Variants in SLC35F3 observed in about 807,000 individuals in gnomAD.
The protein encoded by SLC35F3 is solute carrier family 35 member F3.
SLC35F3 carries 25 observed loss-of-function variants against 49.9 expected under a neutral mutation model. That is an observed-to-expected ratio of 0.50 (90% CI 0.37 to 0.70). SLC35F3 has a LOEUF of 0.70. Among genes scored for constraint, SLC35F3 ranks in the 30% least tolerant of loss-of-function variants. SLC35F3 has a pLI of 0.00. For missense variants in SLC35F3, 525 were observed against 639.8 expected, an observed-to-expected ratio of 0.82 and a Z score of 1.94; for synonymous variants, 275 against 265.4, an observed-to-expected ratio of 1.04 and a Z score of -0.35.
chr1:233,937,737 A>C (rs895233463), intron 2 of SLC35F3, among the ~76,000 whole-genome samples: 1 of 152,246 alleles, frequency 6.6e-6, no homozygotes, highest in Non-Finnish European at 1.5e-5. Flanking sequence ...TAGGAAGCTA[A>C]TGCTATAATT....
chr1:234,317,722 C>T (rs1220706047), intron 5 of SLC35F3, among the ~76,000 whole-genome samples: 1 of 152,210 alleles, frequency 6.6e-6, no homozygotes, highest in Non-Finnish European at 1.5e-5. Context: ...CTGAGCACCT[C>T]TCACTGAGGA....
chr1:233,919,430 C>T (rs2102786660), intron 2 of SLC35F3, among the ~76,000 whole-genome samples: 1 of 152,280 alleles, frequency 6.6e-6, no homozygotes, highest in South Asian at 2.1e-4. Flanking sequence ...ACATGCTTGT[C>T]TCAGGCTCCA....
rs904053773 is a variant in SLC35F3 at position 234,214,127 on chromosome 1, G to A, written c.284-17290G>A. On this transcript the variant is annotated intron_variant, in intron 2 of 7. Transcript: ENST00000366618. The surrounding 1 kb of genome is among the most constrained non-coding windows in gnomAD (Gnocchi z 8.0). ...CAGGACCTGGCTGGGAGGAAGACAGGGATGAGGGCTGCGGGGCTGGGCGTC... is the reference window on the plus strand; with the variant it reads ...CAGGACCTGGCTGGGAGGAAGACAGAGATGAGGGCTGCGGGGCTGGGCGTC... 1.4e-4 allele frequency: 140 copies of A among 1,031,164 alleles called. No individual in the cohort carries two copies. The highest frequency in any genetic ancestry group is 1.5e-4 in the Non-Finnish European group (131 of 857,534). The allele number at this position is 1,031,164 out of a possible 1,614,324, so 63.9% of individuals were successfully genotyped here. A position where few individuals can be genotyped will look rare whatever the true frequency, so the allele number is the denominator to read the frequency against.
chr1:233,940,969 C>T (rs1411691349), intron 2 of SLC35F3, among the ~76,000 whole-genome samples: 1 of 152,194 alleles, frequency 6.6e-6, no homozygotes, highest in Non-Finnish European at 1.5e-5. Flanking sequence ...TACCTACTTC[C>T]TCATGTAGTG....
chr1:233,922,475 T>A (rs1374287427), intron 2 of SLC35F3, among the ~76,000 whole-genome samples: 1 of 148,200 alleles, frequency 6.7e-6, no homozygotes, highest in Non-Finnish European at 1.5e-5. Flanking sequence ...TTTTGCCCAC[T>A]TTTTGATGGC....
intron 3 of SLC35F3, among the ~76,000 whole-genome samples, chr1:234,237,130 C>T (rs567730830): frequency 9.2e-5 from 14 of 151,408 alleles, no homozygotes; most frequent in African/African-American, 2.7e-4. Context: ...GCAAGTGGAG[C>T]CTCCAGAAGT....
At chr1:234,257,726 T>TA (rs113427800) in intron 3 of SLC35F3, among the ~76,000 whole-genome samples, 6,537 of 152,272 alleles carry the variant, frequency 0.043, 417 homozygotes, top group African/African-American at 0.14. Flanking sequence ...GGATGCATTT[T>TA]AAAAATCAAA....
chr1:233,959,828 C>T (rs1419701747), intron 2 of SLC35F3, among the ~76,000 whole-genome samples: 1 of 152,136 alleles, frequency 6.6e-6, no homozygotes, highest in Non-Finnish European at 1.5e-5. Flanking sequence ...TTTGGAGTCT[C>T]AAAAATCTCA....
chr1:234,054,990 G>A (rs1361367306), intron 2 of SLC35F3, among the ~76,000 whole-genome samples: 1 of 152,174 alleles, frequency 6.6e-6, no homozygotes, highest in African/African-American at 2.4e-5. Flanking sequence ...GTTGCTACCT[G>A]ATCATTCCTC....
intron 2 of SLC35F3, among the ~76,000 whole-genome samples, chr1:233,918,826 A>C (rs1277630857): frequency 1.3e-5 from 2 of 150,474 alleles, no homozygotes; most frequent in South Asian, 2.1e-4. Flanking sequence ...CTATATATAT[A>C]TATATATATT....
At chr1:233,991,760 C>T (rs1441839720) in intron 2 of SLC35F3, among the ~76,000 whole-genome samples, 1 of 152,170 alleles carries the variant, frequency 6.6e-6, no homozygotes, top group Admixed American at 6.5e-5. Flanking sequence ...ACCTTTCATG[C>T]ATTTAGAGGA....
rs572620003 is a variant in SLC35F3 at position 234,232,192 on chromosome 1, C to A, written c.608+451C>A. Among the ~76,000 whole-genome samples, 15 of 152,294 alleles carry A rather than the reference C, an allele frequency of 9.8e-5. No individual in the cohort carries two copies. The South Asian group carries it at 2.9e-3, about 29-fold the overall frequency. ...TCCTTACTCATCCTCTTTCTAATCC[C>A]AAGACATGCCCCCCTTCGCGTATGT... On this transcript the variant is annotated intron_variant, in intron 3 of 7. Coordinates refer to ENST00000366618, the MANE Select transcript of SLC35F3 (RefSeq NM_173508.4).
intron 3 of SLC35F3, among the ~76,000 whole-genome samples, chr1:234,268,162 A>G (rs1270302247): frequency 6.6e-6 from 1 of 152,114 alleles, no homozygotes. Context: ...CAGCCTGGGC[A>G]ACATTGAGCA....
chr1:234,049,705 G>A (rs1018537408), intron 2 of SLC35F3, among the ~76,000 whole-genome samples: 7 of 152,062 alleles, frequency 4.6e-5, no homozygotes, highest in Non-Finnish European at 8.8e-5. Context: ...TGTTACATAT[G>A]TATACATGTG....
chr1:234,098,836 C>A (rs577352733), intron 2 of SLC35F3, among the ~76,000 whole-genome samples: 1 of 101,726 alleles, frequency 9.8e-6, no homozygotes, highest in South Asian at 3.1e-4. Flanking sequence ...GAGGTGGTGA[C>A]TATGTTGGTG....
intron 3 of SLC35F3, among the ~76,000 whole-genome samples, chr1:234,295,704 C>T (rs951966245): frequency 7.2e-5 from 11 of 152,154 alleles, no homozygotes; most frequent in African/African-American, 2.7e-4. Flanking sequence ...TTTTTCATAG[C>T]GAGCTAAATA....
At chr1:234,209,322 C>A (rs1667017978) in intron 2 of SLC35F3, among the ~76,000 whole-genome samples, 1 of 151,492 alleles carries the variant, frequency 6.6e-6, no homozygotes, top group Non-Finnish European at 1.5e-5. Context: ...TTGTAAGTAT[C>A]CTAGAATAGG....
At chr1:233,936,349 T>TTCAACAAGTA (rs1662327342) in intron 2 of SLC35F3, among the ~76,000 whole-genome samples, 1 of 152,198 alleles carries the variant, frequency 6.6e-6, no homozygotes, top group Non-Finnish European at 1.5e-5. Context: ...TTTTACTGGA[T>TTCAACAAGTA]AAGTTTTTCT....
chr1:233,930,143 C>T (rs1189989162), intron 2 of SLC35F3, among the ~76,000 whole-genome samples: 2 of 113,712 alleles, frequency 1.8e-5, no homozygotes, highest in African/African-American at 2.8e-5. Flanking sequence ...AGTGAGACCC[C>T]ATTTCTTAAA....
Sources: gnomAD v4.1 joint callset for allele counts (sites outside exome capture counted in the v4.1 genomes callset) on GRCh38, gnomAD v4.1.1 for gene constraint, Gnocchi (gnomAD v3.1) non-coding constraint, MANE v1.5 for transcripts, NCBI Gene and HGNC (gene_info 2026-07-23, HGNC 2026-07-21) for gene names.